TRPM3: variants seen among roughly 807,000 people sequenced by gnomAD.
The protein encoded by TRPM3 is transient receptor potential cation channel subfamily M member 3.
In TRPM3, 77 loss-of-function variants were observed where a neutral mutation model predicts 181.2. That is an observed-to-expected ratio of 0.42 (90% CI 0.35 to 0.51). The LOEUF (loss-of-function observed/expected upper bound fraction) is 0.51, where lower values mean the gene tolerates loss of function less well. Among genes scored for constraint, TRPM3 ranks in the 20% least tolerant of loss-of-function variants. The pLI, the probability that TRPM3 is intolerant of heterozygous loss-of-function variation, is 0.01. For missense variants in TRPM3, 1,759 were observed against 2,196.7 expected, an observed-to-expected ratio of 0.80 and a Z score of 3.98; for synonymous variants, 745 against 796.4, an observed-to-expected ratio of 0.94 and a Z score of 1.09.
intron 1 of TRPM3, among the ~76,000 whole-genome samples, chr9:71,021,581 C>T (rs2097847910): frequency 6.6e-6 from 1 of 152,086 alleles, no homozygotes; most frequent in South Asian, 2.1e-4. Flanking sequence ...TGTCTATTGA[C>T]CTTCAACTTT....
At chr9:70,844,235 G>T (rs1455040026) in intron 4 of TRPM3, among the ~76,000 whole-genome samples, 3 of 152,064 alleles carry the variant, frequency 2.0e-5, no homozygotes, top group Non-Finnish European at 4.4e-5. Flanking sequence ...TTAATCATGG[G>T]AAAAGACATG....
intron 1 of TRPM3, among the ~76,000 whole-genome samples, chr9:70,872,405 C>A (rs2095803937): frequency 6.6e-6 from 1 of 151,910 alleles, no homozygotes; most frequent in African/African-American, 2.4e-5. Flanking sequence ...GCATGTCAGG[C>A]AAGATCTCCT....
At chr9:71,285,429 G>C (rs2085200698) in intron 1 of TRPM3, among the ~76,000 whole-genome samples, 1 of 152,156 alleles carries the variant, frequency 6.6e-6, no homozygotes, top group African/African-American at 2.4e-5. Context: ...TGAGCAAACA[G>C]TATAGTCCTC....
At chr9:70,875,886 A>G (rs1169282155) in intron 1 of TRPM3, among the ~76,000 whole-genome samples, 2 of 151,914 alleles carry the variant, frequency 1.3e-5, no homozygotes, top group Admixed American at 1.3e-4. Context: ...GAAATGAAAA[A>G]TTATTAGGTA....
At chr9:71,413,117 C>T (rs1018229134) in intron 1 of TRPM3, among the ~76,000 whole-genome samples, 3 of 151,752 alleles carry the variant, frequency 2.0e-5, no homozygotes, top group Admixed American at 1.3e-4. Context: ...GGGAGGGGGA[C>T]GGATAGCATC....
chr9:71,427,092 GATTA>G (rs2093877593), intron 1 of TRPM3, among the ~76,000 whole-genome samples: 1 of 152,138 alleles, frequency 6.6e-6, no homozygotes, highest in Non-Finnish European at 1.5e-5. Context: ...CAACTGAATT[GATTA>G]ATTATACCTT....
intron 1 of TRPM3, among the ~76,000 whole-genome samples, chr9:71,223,248 A>G (rs2080356379): frequency 6.6e-6 from 1 of 152,114 alleles, no homozygotes; most frequent in Non-Finnish European, 1.5e-5. Flanking sequence ...CACCAGTCAG[A>G]GTCATGAGGC....
chr9:70,620,027 A>G (rs761955438), intron 16 of TRPM3, 49 bp downstream of exon 16: 2 of 1,554,338 alleles, frequency 1.3e-6, no homozygotes, highest in Non-Finnish European at 1.7e-6. Context: ...CTGGGAGCCC[A>G]CCTTTCCTCC....
At chr9:70,828,177 G>A (rs1458118846) in intron 5 of TRPM3, among the ~76,000 whole-genome samples, 159 bp from the exon 6 acceptor site, 1 of 152,184 alleles carries the variant, frequency 6.6e-6, no homozygotes, top group Admixed American at 6.5e-5. Context: ...TTTGGATAGA[G>A]GCAAGATTTA....
intron 1 of TRPM3, among the ~76,000 whole-genome samples, chr9:71,222,259 T>A (rs1358256128): frequency 2.6e-5 from 4 of 152,208 alleles, no homozygotes; most frequent in Non-Finnish European, 5.9e-5. Context: ...TGGGGTTGAA[T>A]AAGGATCTGA....
intron 1 of TRPM3, among the ~76,000 whole-genome samples, chr9:71,396,380 A>T (rs2093194687): frequency 6.6e-6 from 1 of 152,134 alleles, no homozygotes; most frequent in Admixed American, 6.6e-5. Flanking sequence ...AAATTTATTT[A>T]ACAACTTTTA....
Position 70,673,976 on chromosome 9 carries a change from A to G in TRPM3, c.1345+7530T>C, listed in dbSNP as rs569031001. Among the ~76,000 whole-genome samples, 38 of 149,752 alleles carry G rather than the reference A, an allele frequency of 2.5e-4. 1 individual carries two copies. In the South Asian group the frequency reaches 7.2e-3, roughly 28 times the overall value. Reference sequence around the variant, plus strand: ...AAAAAAAAAAAAAAAAAAGAGTTATAGTAACTTTGTATCTCATAAAAATGT... The same window carrying G: ...AAAAAAAAAAAAAAAAAAGAGTTATGGTAACTTTGTATCTCATAAAAATGT... On this transcript the variant is annotated intron_variant, in intron 9 of 25. Transcript: ENST00000677713.
At chr9:70,841,661 T>TATATATATATGA (rs1339698170) in intron 5 of TRPM3, among the ~76,000 whole-genome samples, 65 of 86,074 alleles carry the variant, frequency 7.6e-4, no homozygotes, top group African/African-American at 2.7e-3. Flanking sequence ...TATATATATA[T>TATATATATATGA]CCCACCATAT....
chr9:70,957,636 C>G (rs1590070911), intron 1 of TRPM3, among the ~76,000 whole-genome samples: 2 of 152,296 alleles, frequency 1.3e-5, no homozygotes, highest in East Asian at 3.9e-4. Context: ...ATACTCATTC[C>G]TCTGTTTTTC....
chr9:71,337,729 A>G, intron 1 of TRPM3, among the ~76,000 whole-genome samples: 1 of 152,222 alleles, frequency 6.6e-6, no homozygotes. Context: ...TGGCAAATGT[A>G]CACTATGGAA....
intron 1 of TRPM3, among the ~76,000 whole-genome samples, chr9:70,923,857 C>T (rs71483594): frequency 1.4e-5 from 2 of 146,532 alleles, no homozygotes; most frequent in South Asian, 2.2e-4. Flanking sequence ...CACACACACA[C>T]ATATATATAT....
chr9:70,664,653 T>TG (rs200087168), intron 9 of TRPM3, among the ~76,000 whole-genome samples: 1,702 of 90,730 alleles, frequency 0.019, 58 homozygotes, highest in African/African-American at 0.069. Context: ...TTTTTTTTTT[T>TG]TTTTTTTTTT....
intron 6 of TRPM3, among the ~76,000 whole-genome samples, chr9:70,797,933 A>G (rs1162205555): frequency 6.6e-6 from 1 of 152,186 alleles, no homozygotes; most frequent in Non-Finnish European, 1.5e-5. Context: ...CAATAAAACT[A>G]AAGTCCCATC....
chr9:70,773,139 G>A (rs1588135946), intron 7 of TRPM3, among the ~76,000 whole-genome samples: 1 of 152,146 alleles, frequency 6.6e-6, no homozygotes, highest in Admixed American at 6.5e-5. Context: ...GAATCTGGGT[G>A]CCACTTCCTC....
Sources: allele counts gnomAD v4.1 joint callset (sites outside exome capture counted in the v4.1 genomes callset), GRCh38; gene constraint gnomAD v4.1.1; transcripts MANE v1.5; gene names NCBI Gene and HGNC (gene_info 2026-07-23, HGNC 2026-07-21).